CNTNAP5: variants seen among roughly 807,000 people sequenced by gnomAD.
CNTNAP5 encodes contactin associated protein family member 5, also known as contactin-associated protein-like 5.
CNTNAP5 carries 72 observed loss-of-function variants against 150.2 expected under a neutral mutation model. The observed-to-expected ratio is 0.48, with a 90% CI of 0.40 to 0.58. The LOEUF (loss-of-function observed/expected upper bound fraction) is 0.58. Ranked by LOEUF, CNTNAP5 falls within the 20% of genes least tolerant of loss-of-function variation. CNTNAP5 has a pLI of 0.00. For synonymous variants in CNTNAP5, 672 were observed against 619.8 expected, an observed-to-expected ratio of 1.08 and a Z score of -1.25; for missense variants, 1,636 against 1,626.2, an observed-to-expected ratio of 1.01 and a Z score of -0.10.
chr2:124,811,482 T>G (rs1682217734), intron 19 of CNTNAP5, among the ~76,000 whole-genome samples: 1 of 152,170 alleles, frequency 6.6e-6, no homozygotes, highest in Admixed American at 6.5e-5. Context: ...AATTAGTTTT[T>G]TTCCCTACCA....
chr2:124,408,234 CG>C (rs1691636706), intron 3 of CNTNAP5, among the ~76,000 whole-genome samples: 8 of 149,986 alleles, frequency 5.3e-5, no homozygotes, highest in Admixed American at 4.6e-4. Flanking sequence ...GAGGGTCCTA[CG>C]CCCACGGAGT....
At chr2:124,657,767 C>G (rs1383578354) in intron 13 of CNTNAP5, among the ~76,000 whole-genome samples, 1 of 152,114 alleles carries the variant, frequency 6.6e-6, no homozygotes, top group Non-Finnish European at 1.5e-5. Context: ...TGCTTCTTGC[C>G]CAGCTTGCCC....
intron 21 of CNTNAP5, among the ~76,000 whole-genome samples, chr2:124,895,460 A>C (rs1678283735): frequency 6.6e-6 from 1 of 151,404 alleles, no homozygotes; most frequent in Non-Finnish European, 1.5e-5. Context: ...CCCTTTCTCC[A>C]CAACAAATTT....
rs544055881 is a variant in CNTNAP5 at position 124,386,496 on chromosome 2, G to A, written c.382-30947G>A. ...CAAGCAGTCTCTTCCATAGTTGAACGGCATTTCTGCCAAGAAATGTTTTAA... is the reference window on the plus strand; with the variant it reads ...CAAGCAGTCTCTTCCATAGTTGAACAGCATTTCTGCCAAGAAATGTTTTAA... On this transcript the variant is annotated intron_variant, in intron 3 of 23. Transcript: ENST00000682447. Among the ~76,000 whole-genome samples, 51 of 152,296 alleles carry A rather than the reference G, an allele frequency of 3.3e-4. No individual in the cohort carries two copies. The South Asian group carries it at 7.9e-3, about 24-fold the overall frequency.
rs770741856 is a variant in CNTNAP5, at chr2:124,742,143, G to A, written c.2078-5086G>A. Among the ~76,000 whole-genome samples the A allele has an allele frequency of 3.9e-5, 6 of 152,178 alleles. No individual in the cohort carries two copies. In the East Asian group the frequency reaches 9.7e-4, roughly 24 times the overall value. ...GCTCACTGTGTTGAAATGACTGGGGGAAGTTCACTGGCAAGGAGTTTTATA... is the reference window on the plus strand; with the variant it reads ...GCTCACTGTGTTGAAATGACTGGGGAAAGTTCACTGGCAAGGAGTTTTATA... On this transcript the variant is annotated intron_variant, in intron 13 of 23. Coordinates refer to ENST00000682447, the MANE Select transcript of CNTNAP5 (RefSeq NM_001367498.1).
At chr2:124,479,096 G>A (rs1253614285) in intron 7 of CNTNAP5, among the ~76,000 whole-genome samples, 1 of 152,046 alleles carries the variant, frequency 6.6e-6, no homozygotes, top group East Asian at 1.9e-4. Flanking sequence ...AAAACTAACA[G>A]CTTAAAGTAG....
chr2:124,099,184 C>T (rs1439010379), intron 1 of CNTNAP5, among the ~76,000 whole-genome samples: 2 of 152,150 alleles, frequency 1.3e-5, no homozygotes, highest in East Asian at 1.9e-4. Flanking sequence ...TTCACTTACA[C>T]TCTTCTCCCA....
chr2:124,677,733 G>A (rs13392284), intron 13 of CNTNAP5, among the ~76,000 whole-genome samples: 36,212 of 151,034 alleles, frequency 0.24, 4,980 homozygotes, highest in African/African-American at 0.37. Flanking sequence ...TTTACAGAGC[G>A]CTGATTGGTG....
At chr2:124,569,249 T>C (rs182048481) in intron 11 of CNTNAP5, among the ~76,000 whole-genome samples, 10 of 152,270 alleles carry the variant, frequency 6.6e-5, no homozygotes, top group African/African-American at 2.4e-4. Flanking sequence ...TGTTTTACCT[T>C]CTCTGACATT....
intron 1 of CNTNAP5, among the ~76,000 whole-genome samples, chr2:124,111,362 C>T (rs1341897042): frequency 6.6e-6 from 1 of 152,172 alleles, no homozygotes; most frequent in East Asian, 1.9e-4. Flanking sequence ...TGCAATTAAA[C>T]TGGAGGCTCC....
At chr2:124,829,231 A>T (rs1173648882) in intron 19 of CNTNAP5, among the ~76,000 whole-genome samples, 1 of 152,116 alleles carries the variant, frequency 6.6e-6, no homozygotes, top group African/African-American at 2.4e-5. Context: ...CAAGCTGAAA[A>T]GGGCCAAAAG....
chr2:124,496,676 G>C (rs1694154871), intron 7 of CNTNAP5, among the ~76,000 whole-genome samples: 1 of 152,162 alleles, frequency 6.6e-6, no homozygotes, highest in Admixed American at 6.5e-5. Context: ...ATTCTCTTCA[G>C]GTCTTAAAAA....
At chr2:124,053,903 C>A (rs1377880979) in intron 1 of CNTNAP5, among the ~76,000 whole-genome samples, 1 of 152,128 alleles carries the variant, frequency 6.6e-6, no homozygotes, top group Non-Finnish European at 1.5e-5. Context: ...TCTTAGCCTG[C>A]CGCTTTTAAA....
At chr2:124,321,784 TA>T in intron 3 of CNTNAP5, among the ~76,000 whole-genome samples, 1 of 152,250 alleles carries the variant, frequency 6.6e-6, no homozygotes, top group East Asian at 1.9e-4. Flanking sequence ...TTTTAAAATA[TA>T]AAAAAATTAG....
chr2:124,480,394 A>G (rs2104839231), intron 7 of CNTNAP5, among the ~76,000 whole-genome samples: 1 of 152,292 alleles, frequency 6.6e-6, no homozygotes, highest in African/African-American at 2.4e-5. Context: ...GCTGTCATGC[A>G]ACTTATTGGA....
At chr2:124,800,912 A>C (rs1284715096) in intron 19 of CNTNAP5, among the ~76,000 whole-genome samples, 2 of 152,166 alleles carry the variant, frequency 1.3e-5, no homozygotes, top group Non-Finnish European at 2.9e-5. Context: ...CATGCGCCCA[A>C]GGTGGTCAAG....
chr2:124,212,827 ATCTT>A (rs1686050286), intron 1 of CNTNAP5, among the ~76,000 whole-genome samples: 1 of 116,048 alleles, frequency 8.6e-6, no homozygotes, highest in Non-Finnish European at 1.9e-5. Flanking sequence ...GTGTAGATAA[ATCTT>A]TTTTTTTTTT....
At chr2:124,704,104 T>A (rs754072044) in intron 13 of CNTNAP5, among the ~76,000 whole-genome samples, 18 of 152,230 alleles carry the variant, frequency 1.2e-4, no homozygotes, top group Non-Finnish European at 1.3e-4. Context: ...ATTTCCCACA[T>A]TAAATTGCTT....
At chr2:124,418,784 C>G (rs962319018) in intron 4 of CNTNAP5, among the ~76,000 whole-genome samples, 2 of 152,204 alleles carry the variant, frequency 1.3e-5, no homozygotes, top group Non-Finnish European at 2.9e-5. Flanking sequence ...TCTGGGGCAT[C>G]AAGCTCCTCT....
Sources: allele counts gnomAD v4.1 joint callset (sites outside exome capture counted in the v4.1 genomes callset), GRCh38; gene constraint gnomAD v4.1.1; transcripts MANE v1.5; gene names NCBI Gene and HGNC (gene_info 2026-07-23, HGNC 2026-07-21).